The following CES5A variants were observed in gnomAD, a reference collection of about 807,000 sequenced individuals.
CES5A encodes the protein carboxylesterase 5A, also known as carboxylesterase 5.
Under a neutral mutation model 62.9 loss-of-function variants are expected in CES5A, and 67 were observed. That is an observed-to-expected ratio of 1.07 (90% confidence interval 0.88 to 1.31). CES5A has a LOEUF of 1.31. Among genes scored for constraint, CES5A ranks in the 50% most tolerant of loss-of-function variants. The pLI, the probability that CES5A is intolerant of heterozygous loss-of-function variation, is 0.00. For missense variants in CES5A, 748 were observed against 708.5 expected, an observed-to-expected ratio of 1.06 and a Z score of -0.63; for synonymous variants, 296 against 280.8, an observed-to-expected ratio of 1.05 and a Z score of -0.54.
At chr16:55,904,725 G>A (rs1567348534) in intron 1 of CES5A, among the ~76,000 whole-genome samples, 1 of 152,184 alleles carries the variant, frequency 6.6e-6, no homozygotes, top group Non-Finnish European at 1.5e-5. Flanking sequence ...CAGCTAATAA[G>A]TGACAAAGTA....
At chr16:55,879,582 C>G (rs1381165343), upstream of CES5A, among the ~76,000 whole-genome samples, 3 of 152,066 alleles carry the variant, frequency 2.0e-5, no homozygotes, top group Admixed American at 1.3e-4. Flanking sequence ...ATGTTTTCCT[C>G]CCCTGGAGTG....
chr16:55,882,304 T>A (rs2033770412), intron 1 of CES5A, among the ~76,000 whole-genome samples: 1 of 152,162 alleles, frequency 6.6e-6, no homozygotes, highest in East Asian at 1.9e-4. Context: ...TCACTTGGTG[T>A]CCATGGTCCA....
chr16:55,941,705 T>C (rs1475276641), intron 2 of CES5A, among the ~76,000 whole-genome samples: 3 of 152,082 alleles, frequency 2.0e-5, no homozygotes, highest in East Asian at 1.9e-4. Context: ...TTACACTACC[T>C]GATTGTATGA....
upstream of CES5A, among the ~76,000 whole-genome samples, chr16:55,876,157 T>C (rs1186747097): frequency 1.3e-5 from 2 of 152,242 alleles, no homozygotes; most frequent in Non-Finnish European, 2.9e-5. Context: ...CATCACAGCT[T>C]CTTACTTGTG....
chr16:55,884,099 A>G (rs1454207585), intron 1 of CES5A, among the ~76,000 whole-genome samples: 2 of 152,220 alleles, frequency 1.3e-5, no homozygotes, highest in Middle Eastern at 3.2e-3. Context: ...GAAAATTATC[A>G]TGGTATATAC....
intron 4 of CES5A, among the ~76,000 whole-genome samples, chr16:55,866,593 C>G (rs11863223): frequency 6.9e-6 from 1 of 145,606 alleles, no homozygotes; most frequent in Non-Finnish European, 1.5e-5. Context: ...GAGGCCGAGG[C>G]GGGCAGATCA....
At chr16:55,865,884 A>G in intron 5 of CES5A, 79 bp downstream of exon 5, 1 of 1,503,040 alleles carries the variant, frequency 6.7e-7, no homozygotes. Flanking sequence ...GAAGGCAACA[A>G]TCAAATGTTA....
At chr16:55,870,542 C>T (rs1275932960) in intron 3 of CES5A, among the ~76,000 whole-genome samples, 1 of 151,970 alleles carries the variant, frequency 6.6e-6, no homozygotes, top group East Asian at 1.9e-4. Context: ...CTCTACTAAA[C>T]AAAAAATTAG....
rs747943567 is a variant in CES5A at position 55,846,738 on chromosome 16, GGCA to G, written c.1496+27_1496+29del. 3.7e-6 allele frequency: 6 copies of G among 1,613,612 alleles called. 1 individual carries two copies. In the South Asian group the frequency reaches 6.6e-5, roughly 18 times the overall value. ...TTTTCCTCCTCACACCCCAGGCCTT[GGCA>G]TGGGGGAGACCGGGAGGTTTACTTA... On this transcript the variant is annotated intron_variant, in intron 12 of 12. Coordinates refer to ENST00000290567, the MANE Select transcript of CES5A (RefSeq NM_001143685.2).
At chr16:55,926,557 T>C (rs1408713836), upstream of CES5A, among the ~76,000 whole-genome samples, 1 of 152,100 alleles carries the variant, frequency 6.6e-6, no homozygotes, top group East Asian at 1.9e-4. Context: ...GATTAGGAAA[T>C]AAAAATAAGT....
chr16:55,891,776 A>G (rs1392375965), intron 1 of CES5A, among the ~76,000 whole-genome samples: 3 of 152,106 alleles, frequency 2.0e-5, no homozygotes, highest in Non-Finnish European at 4.4e-5. Context: ...TCCCTTTCAC[A>G]CCCTACAAAC....
intron 5 of CES5A, 140 bp from the exon 6 acceptor site, chr16:55,863,592 G>A: frequency 1.6e-6 from 1 of 616,774 alleles, no homozygotes. Flanking sequence ...TGGTTTAGGG[G>A]TTAAAGGACT....
chr16:55,883,982 T>C (rs559678955), intron 1 of CES5A, among the ~76,000 whole-genome samples: 1 of 152,352 alleles, frequency 6.6e-6, no homozygotes, highest in South Asian at 2.1e-4. Context: ...TTTAGGTCTC[T>C]ACATAGCAAT....
intron 2 of CES5A, chr16:55,949,684 G>A (rs186157312): frequency 6.2e-4 from 272 of 436,938 alleles, no homozygotes; most frequent in African/African-American, 4.6e-3. Flanking sequence ...GGGAATTCCC[G>A]GTGGAAGTAT....
At chr16:55,894,322 C>T (rs2033909747) in intron 1 of CES5A, among the ~76,000 whole-genome samples, 1 of 151,766 alleles carries the variant, frequency 6.6e-6, no homozygotes, top group African/African-American at 2.4e-5. Context: ...GCCTGGCCAA[C>T]ATAGTGAAAC....
chr16:55,941,620 C>T (rs143412559), intron 2 of CES5A, among the ~76,000 whole-genome samples: 6 of 151,704 alleles, frequency 4.0e-5, no homozygotes, highest in South Asian at 4.2e-4. Context: ...AGTGGACTTT[C>T]GAATTTATAT....
At chr16:55,903,075 T>C (rs1036580972) in intron 1 of CES5A, among the ~76,000 whole-genome samples, 2 of 151,952 alleles carry the variant, frequency 1.3e-5, no homozygotes, top group Admixed American at 6.6e-5. Flanking sequence ...TGAAATGAGA[T>C]CCTTTTGGTT....
rs368184907 is a variant in CES5A, at chr16:55,859,694, T to C, written c.916-7A>G. 4.3e-5 allele frequency: 68 copies of C among 1,593,962 alleles called. No individual in the cohort carries two copies. Among genetic ancestry groups the C allele is most frequent in the Non-Finnish European group, 5.8e-5 (68 of 1,173,580 alleles). On this transcript the variant is annotated splice_region_variant and splice_polypyrimidine_tract_variant and intron_variant, in intron 7 of 12. Coordinates refer to ENST00000290567, the MANE Select transcript of CES5A (RefSeq NM_001143685.2). ...GAGTGAAAGACTTTGTTTTCTGTAA[T>C]AAGGAAGAAAAAAAAATCATCAGCT...
At chr16:55,921,111 C>T (rs1236737395) in intron 1 of CES5A, among the ~76,000 whole-genome samples, 1 of 152,040 alleles carries the variant, frequency 6.6e-6, no homozygotes, top group Non-Finnish European at 1.5e-5. Context: ...AGATTATCTA[C>T]AAGATGTAAA....
Sources: gnomAD v4.1 joint callset for allele counts (sites outside exome capture counted in the v4.1 genomes callset) on GRCh38, gnomAD v4.1.1 for gene constraint, MANE v1.5 for transcripts, NCBI Gene and HGNC (gene_info 2026-07-23, HGNC 2026-07-21) for gene names.